The following ASCC3 variants were observed in gnomAD, a reference collection of about 807,000 sequenced individuals.
ASCC3 encodes ASC-1 complex subunit P200.
ASCC3 carries 158 observed loss-of-function variants against 256.3 expected under a neutral mutation model. The ratio of observed to expected loss-of-function variants is 0.62; its 90% confidence interval spans 0.54 to 0.70. ASCC3 has a LOEUF of 0.70. Among genes scored for constraint, ASCC3 ranks in the 30% least tolerant of loss-of-function variants. ASCC3 has a pLI of 0.00. For missense variants in ASCC3, 2,259 were observed against 2,626.0 expected (o/e 0.86, Z 3.05); for synonymous variants, 948 against 883.4 (o/e 1.07, Z -1.30).
intron 4 of ASCC3, among the ~76,000 whole-genome samples, chr6:100,845,679 G>A (rs1269031164): frequency 3.9e-5 from 6 of 152,024 alleles, no homozygotes; most frequent in Non-Finnish European, 5.9e-5. Context: ...TCCTCTCCAC[G>A]TTTCAGTCAG....
chr6:100,570,141 A>G (rs1202804623), intron 36 of ASCC3, among the ~76,000 whole-genome samples: 1 of 152,156 alleles, frequency 6.6e-6, no homozygotes, highest in East Asian at 1.9e-4. Context: ...TGTATCCTGG[A>G]ACCTTGCTAA....
At chr6:100,561,734 T>C (rs2114705977) in intron 36 of ASCC3, among the ~76,000 whole-genome samples, 1 of 152,230 alleles carries the variant, frequency 6.6e-6, no homozygotes, top group East Asian at 1.9e-4. Flanking sequence ...AGCTGTTCAT[T>C]TGTTGATCTA....
At position 100,625,313 on chromosome 6, in the gene ASCC3, G is replaced by T; in HGVS notation, c.4664C>A (p.Ala1555Asp). ...TGAGACAAATATCAAAACAGGTTTGGCTGGAGAATGGCTTCTAATTGCTGT... is the reference window on the plus strand; with the variant it reads ...TGAGACAAATATCAAAACAGGTTTGTCTGGAGAATGGCTTCTAATTGCTGT... ...AFQAIRSHSP[A>D]KPVLIFVSSR... The change falls in exon 30 of 42, where the codon GCC (alanine) becomes GAC (aspartate). Residue 1555 changes from alanine to aspartate, a missense_variant. Physicochemically the swap from Ala to Asp is moderately radical, Grantham distance 126. Around this residue, in one of 2 missense-constraint regions of ASCC3, gnomAD observed 1,839 missense variants for 2,206.7 expected, o/e 0.83. Transcript: ENST00000369162. The T allele has an allele frequency of 6.2e-7, 1 of 1,612,724 alleles. No homozygotes were observed. Among genetic ancestry groups the T allele is most frequent in the Non-Finnish European group, 8.5e-7 (1 of 1,179,072 alleles).
intron 8 of ASCC3, among the ~76,000 whole-genome samples, chr6:100,782,562 A>T (rs1162657192): frequency 6.6e-6 from 1 of 152,138 alleles, no homozygotes; most frequent in African/African-American, 2.4e-5. Context: ...AATGTATCCA[A>T]AAATATACTT....
At chr6:100,727,264 A>G (rs1226192106) in intron 10 of ASCC3, among the ~76,000 whole-genome samples, 1 of 152,040 alleles carries the variant, frequency 6.6e-6, no homozygotes, top group Non-Finnish European at 1.5e-5. Context: ...CTAATTGAAT[A>G]CTACAACAAG....
intron 10 of ASCC3, among the ~76,000 whole-genome samples, chr6:100,759,232 C>G (rs1781324337): frequency 6.6e-6 from 1 of 152,120 alleles, no homozygotes; most frequent in Non-Finnish European, 1.5e-5. Context: ...TGCAGAAGCT[C>G]TTTAGTTTAA....
chr6:100,866,866 C>T (rs553731941), intron 2 of ASCC3, among the ~76,000 whole-genome samples: 2 of 152,330 alleles, frequency 1.3e-5, no homozygotes, highest in South Asian at 4.1e-4. Flanking sequence ...TCTGTGCAAA[C>T]TAATATACCA....
At chr6:100,773,066 G>C (rs1465990441) in intron 8 of ASCC3, among the ~76,000 whole-genome samples, 5 of 152,088 alleles carry the variant, frequency 3.3e-5, no homozygotes, top group Non-Finnish European at 7.4e-5. Flanking sequence ...TTTTATAGAT[G>C]AGGAAACTGA....
intron 3 of ASCC3, chr6:100,857,495 G>A (rs915656066): frequency 6.6e-6 from 1 of 151,978 alleles, no homozygotes; most frequent in African/African-American, 2.4e-5. Flanking sequence ...TTTAGAAGAT[G>A]TATTGTTTTG....
Position 100,685,834 on chromosome 6 carries a change from G to A in ASCC3, c.2152-6082C>T, listed in dbSNP as rs145838482. Among the ~76,000 whole-genome samples the A allele has an allele frequency of 1.7e-3, 260 of 152,254 alleles. 1 individual carries two copies. The highest frequency in any genetic ancestry group is 5.6e-3 in the African/African-American group (234 of 41,540). ...TTTAAAAGGTTTCATTGTGCATGCC[G>A]TAGATCCAAGAATCATCCATAGTTA... On this transcript the variant is annotated intron_variant, in intron 13 of 41. Coordinates refer to ENST00000369162, the MANE Select transcript of ASCC3 (RefSeq NM_006828.4).
At chr6:100,751,386 G>A (rs1047340520) in intron 10 of ASCC3, among the ~76,000 whole-genome samples, 1 of 151,844 alleles carries the variant, frequency 6.6e-6, no homozygotes, top group Non-Finnish European at 1.5e-5. Flanking sequence ...TCCTTCCCCA[G>A]GGTTCTTGAA....
At chr6:100,858,791 T>G in intron 3 of ASCC3, 1 of 717,120 alleles carries the variant, frequency 1.4e-6, no homozygotes, top group Non-Finnish European at 1.9e-6. Flanking sequence ...TTATCACACC[T>G]GAGATCTAAT....
In ASCC3 at chr6:100,598,659, C is replaced by A. The variant is rs1772438680; in HGVS notation, c.5303+3151G>T. On this transcript the variant is annotated intron_variant, in intron 34 of 41. Coordinates refer to ENST00000369162, the MANE Select transcript of ASCC3 (RefSeq NM_006828.4). ...CCTACCCAGCTCCCTGTGTGTGGGA[C>A]CCCTGTTCTGACCCGTGTCTCCAAC... Among the ~76,000 whole-genome samples the A allele has an allele frequency of 2.0e-5, 3 of 152,190 alleles. No homozygotes were observed. In the South Asian group the frequency reaches 6.2e-4, roughly 32 times the overall value.
At chr6:100,763,564 C>A (rs979068003) in intron 10 of ASCC3, among the ~76,000 whole-genome samples, 34 of 152,012 alleles carry the variant, frequency 2.2e-4, no homozygotes, top group African/African-American at 8.2e-4. Flanking sequence ...AAGCTGAAGG[C>A]GGCTAATTCT....
intron 23 of ASCC3, 47 bp downstream of exon 23, chr6:100,643,984 T>G: frequency 7.5e-7 from 1 of 1,329,656 alleles, no homozygotes; most frequent in Non-Finnish European, 1.1e-6. Flanking sequence ...TTAGTATAAT[T>G]TTTTTTACAA....
chr6:100,783,647 G>A (rs917179133), intron 8 of ASCC3, among the ~76,000 whole-genome samples: 2 of 150,572 alleles, frequency 1.3e-5, no homozygotes, highest in Non-Finnish European at 3.0e-5. Flanking sequence ...AACCAGAGAA[G>A]ATCTTACATA....
rs931455008 is a variant in ASCC3 at position 100,508,652 on chromosome 6, G to A, written c.*734C>T. On this transcript the variant is annotated 3_prime_UTR_variant, in exon 42 of 42. Coordinates refer to ENST00000369162, the MANE Select transcript of ASCC3 (RefSeq NM_006828.4). ...AAGATAATAGAAATAAAGCCTTGAA[G>A]TAGAAGGGAAAGAAAAGAAGAACAG... 7 of 152,138 alleles carry A rather than the reference G, an allele frequency of 4.6e-5. No individual in the cohort carries two copies. Among genetic ancestry groups the A allele is most frequent in the African/African-American group, 1.7e-4 (7 of 41,448 alleles). The allele number at this position is 152,138 out of a possible 1,614,324, so 9.4% of individuals were successfully genotyped here.
intron 34 of ASCC3, among the ~76,000 whole-genome samples, chr6:100,596,568 A>AT (rs964510000): frequency 1.3e-5 from 2 of 151,720 alleles, no homozygotes; most frequent in Admixed American, 6.6e-5. Flanking sequence ...TGTCCTTTGT[A>AT]TTTTTTTGCC....
At chr6:100,644,539 A>T (rs1237745785) in intron 22 of ASCC3, among the ~76,000 whole-genome samples, 1 of 152,178 alleles carries the variant, frequency 6.6e-6, no homozygotes. Context: ...TTGTCTAATA[A>T]TATCCCATTG....
Sources: allele counts gnomAD v4.1 joint callset (sites outside exome capture counted in the v4.1 genomes callset), GRCh38; gene constraint gnomAD v4.1.1; regional missense constraint gnomAD v4.1.1; transcripts MANE v1.5; gene names NCBI Gene and HGNC (gene_info 2026-07-23, HGNC 2026-07-21).